POGLUT1: variants seen among roughly 807,000 people sequenced by gnomAD.
POGLUT1 encodes protein O-glucosyltransferase 1, also known as 9630046K23Rik.
POGLUT1 carries 32 observed loss-of-function variants against 61.3 expected under a neutral mutation model. The ratio of observed to expected loss-of-function variants is 0.52; its 90% confidence interval spans 0.39 to 0.70. POGLUT1 has a LOEUF of 0.70. Ranked by LOEUF, POGLUT1 falls within the 30% of genes least tolerant of loss-of-function variation. The probability of loss-of-function intolerance (pLI) is 0.00; values close to 1 mark genes in which losing one functional copy is unlikely to be tolerated. For missense variants in POGLUT1, 411 were observed against 469.8 expected, an observed-to-expected ratio of 0.87 and a Z score of 1.16; for synonymous variants, 158 against 158.2, an observed-to-expected ratio of 1.00 and a Z score of 0.01.
In POGLUT1 at chr3:119,491,560, A is replaced by T; in HGVS notation, c.1008A>T (p.Gln336His). The change falls in exon 10 of 11, where the codon CAA (glutamine) becomes CAT (histidine). Residue 336 changes from glutamine (Q) to histidine (H), a missense_variant. Physicochemically the swap from Gln to His is conservative, Grantham distance 24. Coordinates refer to ENST00000295588, the MANE Select transcript of POGLUT1 (RefSeq NM_152305.3). Reference protein sequence around the residue: ...QFVKANDDVAQEIAERGSQFI... With the variant: ...QFVKANDDVAHEIAERGSQFI... ...TAAAAGCAAATGATGATGTAGCTCA[A>T]GAGATTGCTGAAAGGTGAGTTCTGT... 1.3e-6 allele frequency: 2 copies of T among 1,553,548 alleles called. No homozygotes were observed. The highest frequency in any genetic ancestry group is 2.3e-5 in the South Asian group (2 of 86,258).
rs1024635448 is a variant in POGLUT1 at position 119,471,300 on chromosome 3, C to G, written c.177-9C>G. ...CCTGCTTTCCTTGATGACTCCCATT[C>G]TTTCCCAGTGTCATAGAAGAGGATC... On this transcript the variant is annotated splice_polypyrimidine_tract_variant and intron_variant, in intron 2 of 10. Transcript: ENST00000295588. The G allele has an allele frequency of 8.1e-6, 13 of 1,613,404 alleles. No individual in the cohort carries two copies. Among genetic ancestry groups the G allele is most frequent in the Admixed American group, 3.3e-5 (2 of 59,958 alleles).
At chr3:119,475,954 C>CA (rs2081531305) in intron 3 of POGLUT1, among the ~76,000 whole-genome samples, 1 of 130,852 alleles carries the variant, frequency 7.6e-6, no homozygotes, top group Non-Finnish European at 1.6e-5. Context: ...GACTGTCTCT[C>CA]CACACACACA....
chr3:119,482,239 A>T (rs904525625), intron 5 of POGLUT1, among the ~76,000 whole-genome samples: 9 of 152,158 alleles, frequency 5.9e-5, no homozygotes, highest in African/African-American at 2.2e-4. Context: ...CTTTAAAAAC[A>T]TTTTTACTGA....
rs1254656559 is a variant in POGLUT1, at chr3:119,494,148, G to A, written c.*1710G>A. On this transcript the variant is annotated 3_prime_UTR_variant, in exon 11 of 11. Transcript: ENST00000295588. ...GGGGCTACCATAGTACTTTGTTTAT[G>A]CCTGTATTATATGACATCACTGTAG... is the stretch of plus-strand genomic sequence containing the variant. The A allele has an allele frequency of 6.6e-6, 1 of 152,110 alleles. No individual in the cohort carries two copies. The allele number at this position is 152,110 out of a possible 1,614,324, so 9.4% of individuals were successfully genotyped here. A position where few individuals can be genotyped will look rare whatever the true frequency, so the allele number is the denominator to read the frequency against.
chr3:119,470,581 A>G (rs953688004), intron 2 of POGLUT1, among the ~76,000 whole-genome samples: 2 of 152,156 alleles, frequency 1.3e-5, no homozygotes, highest in Non-Finnish European at 2.9e-5. Flanking sequence ...GTCTCAAAAA[A>G]GAGAGAGAAT....
At chr3:119,484,003 T>C (rs1164820283) in intron 5 of POGLUT1, among the ~76,000 whole-genome samples, 2 of 152,238 alleles carry the variant, frequency 1.3e-5, no homozygotes, top group African/African-American at 4.8e-5. Flanking sequence ...ATGAGAACTT[T>C]GCATGAGGAG....
At chr3:119,487,560 C>G (rs2081681426) in intron 7 of POGLUT1, among the ~76,000 whole-genome samples, 2 of 152,232 alleles carry the variant, frequency 1.3e-5, no homozygotes, top group African/African-American at 4.8e-5. Context: ...GCACTCCAGC[C>G]TGGCGACAGA....
At chr3:119,476,526 A>T (rs77316959) in intron 3 of POGLUT1, among the ~76,000 whole-genome samples, 6,210 of 152,102 alleles carry the variant, frequency 0.041, 165 homozygotes, top group Non-Finnish European at 0.061. Flanking sequence ...GGCTCAAATA[A>T]CCCTTCTGCC....
Position 119,471,403 on chromosome 3 carries a change from A to T in POGLUT1, c.271A>T (p.Ile91Phe), listed in dbSNP as rs1351003586. The T allele has an allele frequency of 1.2e-6, 2 of 1,614,052 alleles. No individual in the cohort carries two copies. The highest frequency in any genetic ancestry group is 2.2e-5 in the South Asian group (2 of 91,076). ...VRRKLGTHYQITKNRLYREND... is the reference protein window; with the variant it reads ...VRRKLGTHYQFTKNRLYREND... ...ACGGAAGCTAGGGACCCACTATCAG[A>T]TCACTAAGAACAGACTGTACCGGGA... Residue 91 changes from isoleucine to phenylalanine, a missense_variant, in exon 3 of 11, where the codon ATC (isoleucine) becomes TTC (phenylalanine). Coordinates refer to ENST00000295588, the MANE Select transcript of POGLUT1 (RefSeq NM_152305.3).
At chr3:119,473,320 A>G (rs2107705874) in intron 3 of POGLUT1, among the ~76,000 whole-genome samples, 1 of 135,086 alleles carries the variant, frequency 7.4e-6, no homozygotes, top group Non-Finnish European at 1.6e-5. Flanking sequence ...AATGTTTAAT[A>G]GTTTGCTGAA....
rs1460640014 is a variant in POGLUT1, at chr3:119,493,127, C to T, written c.*689C>T. On this transcript the variant is annotated 3_prime_UTR_variant, in exon 11 of 11. Transcript: ENST00000295588. ...CTTTTTGTGCCTTCATGCCCTACTT[C>T]TTAATGCCTCTCTAAAGCCAAAAAA... is the stretch of plus-strand genomic sequence containing the variant. 2.2e-5 allele frequency: 3 copies of T among 133,978 alleles called. No individual in the cohort carries two copies. Among genetic ancestry groups the T allele is most frequent in the Non-Finnish European group, 4.7e-5 (3 of 64,440 alleles). The allele number at this position is 133,978 out of a possible 1,614,324, so 8.3% of individuals were successfully genotyped here.
chr3:119,469,321 C>A lies in POGLUT1; in HGVS notation c.85+215C>A, dbSNP rs986478098. ...GGAGAGTAACCCATTCCCCGGAATT[C>A]AGAATGACAGGGAGGAGAGGGAATT... On this transcript the variant is annotated intron_variant, in intron 1 of 10. Transcript: ENST00000295588. 3 of 589,222 alleles carry A rather than the reference C, an allele frequency of 5.1e-6. No individual in the cohort carries two copies. The African/African-American group carries it at 5.7e-5, about 11-fold the overall frequency. The allele number at this position is 589,222 out of a possible 1,614,324, so 36.5% of individuals were successfully genotyped here.
rs1325053326 is a variant in POGLUT1 at position 119,493,897 on chromosome 3, TTC to T, written c.*1461_*1462del. Reference sequence around the variant, plus strand: ...GAATCTAGCAATAGGCAGTCCAGATTTCTGAGTCGTACTATGGTTTTGCCTTG... The same window carrying T: ...GAATCTAGCAATAGGCAGTCCAGATTTGAGTCGTACTATGGTTTTGCCTTG... On this transcript the variant is annotated 3_prime_UTR_variant, in exon 11 of 11. Coordinates refer to ENST00000295588, the MANE Select transcript of POGLUT1 (RefSeq NM_152305.3). 2 of 150,386 alleles carry T rather than the reference TTC, an allele frequency of 1.3e-5. No individual in the cohort carries two copies. The highest frequency in any genetic ancestry group is 2.9e-5 in the Non-Finnish European group (2 of 67,902). The allele number at this position is 150,386 out of a possible 1,614,324, so 9.3% of individuals were successfully genotyped here. A position where few individuals can be genotyped will look rare whatever the true frequency, so the allele number is the denominator to read the frequency against.
Position 119,477,354 on chromosome 3 carries a change from G to C in POGLUT1, c.362G>C (p.Arg121Pro). The C allele has an allele frequency of 6.2e-7, 1 of 1,613,474 alleles. No individual in the cohort carries two copies. The change falls in exon 4 of 11, where the codon CGT (arginine) becomes CCT (proline). Residue 121 changes from arginine (R) to proline (P), a missense_variant. Transcript: ENST00000295588. Reference protein sequence around the residue: ...VEHFILEVIGRLPDMEMVINV... With the variant: ...VEHFILEVIGPLPDMEMVINV... ...CACTTTATTTTGGAAGTGATCGGGCGTCTCCCTGACATGGAGATGGTGATC... is the reference window on the plus strand; with the variant it reads ...CACTTTATTTTGGAAGTGATCGGGCCTCTCCCTGACATGGAGATGGTGATC...
At position 119,480,240 on chromosome 3, in the gene POGLUT1, A is replaced by G; in HGVS notation, c.578+68A>G. ...TTCTTGAAATAAGCCATAGAATATAACCAATTATTTACTTTTTTTTTTTTT... is the reference window on the plus strand; with the variant it reads ...TTCTTGAAATAAGCCATAGAATATAGCCAATTATTTACTTTTTTTTTTTTT... On this transcript the variant is annotated intron_variant, in intron 5 of 10. Coordinates refer to ENST00000295588, the MANE Select transcript of POGLUT1 (RefSeq NM_152305.3). 4.6e-6 allele frequency: 6 copies of G among 1,294,148 alleles called. No individual in the cohort carries two copies. In the South Asian group the frequency reaches 9.5e-5, roughly 20 times the overall value. The allele number at this position is 1,294,148 out of a possible 1,614,324, so 80.2% of individuals were successfully genotyped here.
chr3:119,483,856 C>T (rs926329978), intron 5 of POGLUT1, among the ~76,000 whole-genome samples: 5 of 151,676 alleles, frequency 3.3e-5, no homozygotes, highest in East Asian at 3.9e-4. Context: ...GTGGGAGGGA[C>T]GGGCAAAATT....
rs560052523 is a variant in POGLUT1 at position 119,488,910 on chromosome 3, A to G, written c.739-19A>G. 38 of 1,479,344 alleles carry G rather than the reference A, an allele frequency of 2.6e-5. No homozygotes were observed. The South Asian group carries it at 3.7e-4, about 14-fold the overall frequency. 91.6% of individuals were successfully genotyped at this position (1,479,344 alleles called of 1,614,324 possible). A position where few individuals can be genotyped will look rare whatever the true frequency, so the allele number is the denominator to read the frequency against. On this transcript the variant is annotated intron_variant, in intron 7 of 10. Coordinates refer to ENST00000295588, the MANE Select transcript of POGLUT1 (RefSeq NM_152305.3). ...AATGCTGTTGCTGTTAATACTAATA[A>G]CTTCCTTTCCACTTAAAGGATACCT...
intron 5 of POGLUT1, among the ~76,000 whole-genome samples, chr3:119,485,097 G>A (rs895363021): frequency 6.6e-6 from 1 of 152,056 alleles, no homozygotes; most frequent in East Asian, 1.9e-4. Context: ...GGCGCCTGTG[G>A]TCCCAGCTAC....
intron 3 of POGLUT1, among the ~76,000 whole-genome samples, chr3:119,472,438 C>T (rs1439582606): frequency 1.3e-5 from 2 of 152,132 alleles, no homozygotes; most frequent in South Asian, 4.2e-4. Flanking sequence ...TAAACAAGGC[C>T]GGGTGCGGTG....
Sources: allele counts gnomAD v4.1 joint callset (sites outside exome capture counted in the v4.1 genomes callset), GRCh38; gene constraint gnomAD v4.1.1; transcripts MANE v1.5; gene names NCBI Gene and HGNC (gene_info 2026-07-23, HGNC 2026-07-21).